Variants in LARGE1 observed in about 807,000 individuals in gnomAD.
The protein encoded by LARGE1 is LARGE xylosyl- and glucuronyltransferase 1.
LARGE1 carries 43 observed loss-of-function variants against 87.6 expected under a neutral mutation model. The ratio of observed to expected loss-of-function variants is 0.49; its 90% confidence interval spans 0.38 to 0.63. The LOEUF is 0.63. Among genes scored for constraint, LARGE1 ranks in the 30% least tolerant of loss-of-function variants. The pLI, the probability that LARGE1 is intolerant of heterozygous loss-of-function variation, is 0.00. For synonymous variants in LARGE1, 434 were observed against 394.6 expected, an observed-to-expected ratio of 1.10 and a Z score of -1.18; for missense variants, 802 against 1,000.2, an observed-to-expected ratio of 0.80 and a Z score of 2.67.
At chr22:33,661,777 C>T (rs1041646163) in intron 2 of LARGE1, among the ~76,000 whole-genome samples, 6 of 151,980 alleles carry the variant, frequency 3.9e-5, no homozygotes, top group African/African-American at 9.7e-5. Flanking sequence ...GAATGATGAC[C>T]GTACATCATG....
intron 11 of LARGE1, among the ~76,000 whole-genome samples, chr22:33,177,083 C>T (rs1922914150): frequency 6.6e-6 from 1 of 152,132 alleles, no homozygotes; most frequent in Admixed American, 6.6e-5. Context: ...CGCATGTTCT[C>T]ACTTGTAAGT....
chr22:33,268,954 A>G (rs930113611), downstream of LARGE1, among the ~76,000 whole-genome samples: 1 of 152,194 alleles, frequency 6.6e-6, no homozygotes, highest in African/African-American at 2.4e-5. Context: ...TAATAAACTC[A>G]AAAAATTACA....
At chr22:33,870,806 G>T (rs559134374) in intron 1 of LARGE1, among the ~76,000 whole-genome samples, 1 of 152,286 alleles carries the variant, frequency 6.6e-6, no homozygotes, top group East Asian at 1.9e-4. Flanking sequence ...GACCTCAGGT[G>T]ATCCGTTCAC....
rs575588042 is a variant in LARGE1, at chr22:33,912,971, C to T, written c.-83+7024G>A. Among the ~76,000 whole-genome samples, 940 of 152,204 alleles carry T rather than the reference C, an allele frequency of 6.2e-3. 6 individuals are homozygous for T. Among genetic ancestry groups the T allele is most frequent in the Non-Finnish European group, 0.01 (702 of 68,000 alleles). On this transcript the variant is annotated intron_variant, in intron 1 of 14. Transcript: ENST00000397394. Reference sequence around the variant, plus strand: ...TCAGCCTCCCGAGTAGCTGGGATTACAGGCGTGCGCCACCACGCCCGGCTA... The same window carrying T: ...TCAGCCTCCCGAGTAGCTGGGATTATAGGCGTGCGCCACCACGCCCGGCTA...
At chr22:33,708,619 G>A (rs891196195) in intron 2 of LARGE1, among the ~76,000 whole-genome samples, 7 of 152,066 alleles carry the variant, frequency 4.6e-5, no homozygotes, top group African/African-American at 1.7e-4. Context: ...TTGTGTGTAG[G>A]AGACAGAGTC....
chr22:33,270,641 C>A (rs1928192923), downstream of LARGE1, among the ~76,000 whole-genome samples: 2 of 152,126 alleles, frequency 1.3e-5, no homozygotes, highest in South Asian at 4.1e-4. Context: ...AAGGGTAGTT[C>A]TTATTATCTC....
At chr22:33,347,145 C>A (rs1939857309) in intron 9 of LARGE1, among the ~76,000 whole-genome samples, 2 of 151,830 alleles carry the variant, frequency 1.3e-5, no homozygotes, top group Non-Finnish European at 2.9e-5. Flanking sequence ...TTTTCTGATT[C>A]TCATTGTAAG....
intron 9 of LARGE1, among the ~76,000 whole-genome samples, chr22:33,372,303 A>G (rs1426372820): frequency 7.2e-5 from 11 of 152,190 alleles, no homozygotes; most frequent in Non-Finnish European, 1.5e-4. Flanking sequence ...GGTTTTCACT[A>G]GAAATTAAGG....
the LARGE1 span, chr22:33,137,040 G>A: frequency 5.3e-5 from 8 of 152,142 alleles, no homozygotes; most frequent in African/African-American, 1.7e-4. Flanking sequence ...TCAGCTTCTC[G>A]TTGGTTGTTT....
upstream of LARGE1, among the ~76,000 whole-genome samples, chr22:33,921,357 C>G (rs1410920555): frequency 2.0e-5 from 3 of 152,310 alleles, no homozygotes; most frequent in Admixed American, 1.3e-4. The surrounding 1 kb of genome is among the most constrained non-coding windows in gnomAD (Gnocchi z 4.1). Context: ...TCGGGCTTGG[C>G]GTGCCTCGCG....
rs371661414 is a variant in LARGE1 at position 33,719,497 on chromosome 22, A to ATTTATTTATT, written c.106+41873_106+41874insAATAAATAAA. Among the ~76,000 whole-genome samples the ATTTATTTATT allele has an allele frequency of 8.9e-3, 1,292 of 145,194 alleles. 5 individuals are homozygous for ATTTATTTATT. Among genetic ancestry groups the ATTTATTTATT allele is most frequent in the Middle Eastern group, 0.024 (7 of 286 alleles). Reference sequence around the variant, plus strand: ...CCTATACAGGTATGCCATCTATACCATATTTATTTATTTATTTATTTATTT... The same window carrying ATTTATTTATT: ...CCTATACAGGTATGCCATCTATACCATTTATTTATTTATTTATTTATTTATTTATTTATTT... On this transcript the variant is annotated intron_variant, in intron 2 of 14. Coordinates refer to ENST00000397394, the MANE Select transcript of LARGE1 (RefSeq NM_133642.5).
the LARGE1 span, among the ~76,000 whole-genome samples, chr22:33,106,660 T>A: frequency 1.3e-5 from 2 of 152,160 alleles, no homozygotes; most frequent in African/African-American, 4.8e-5. Flanking sequence ...CATGCCCAGC[T>A]AATTTTTGTA....
chr22:33,592,067 G>GGAGGGGAGGA (rs1054400502), intron 5 of LARGE1, among the ~76,000 whole-genome samples: 1 of 139,112 alleles, frequency 7.2e-6, no homozygotes, highest in African/African-American at 2.7e-5. Flanking sequence ...AGAGGAGAAG[G>GGAGGGGAGGA]GAGGGGAGGA....
intron 5 of LARGE1, among the ~76,000 whole-genome samples, chr22:33,602,181 C>T (rs1248052589): frequency 6.6e-6 from 1 of 152,166 alleles, no homozygotes. Context: ...AGTCCCAAGC[C>T]ATCTGAGAGC....
rs552024200 is a variant in LARGE1, at chr22:33,196,144, C to T, written c.1731-29312G>A. On this transcript the variant is annotated intron_variant, in intron 11 of 11. Coordinates refer to the LARGE1 transcript ENST00000608642. ...AAAGTAAATTAAAAAAAAAAAAAAGCGTAAGGATAAAAACCGGTATCAACA... is the reference window on the plus strand; with the variant it reads ...AAAGTAAATTAAAAAAAAAAAAAAGTGTAAGGATAAAAACCGGTATCAACA... 5.2e-3 allele frequency among the ~76,000 whole-genome samples: 734 copies of T among 141,410 alleles called. 13 individuals are homozygous for T. Among genetic ancestry groups the T allele is most frequent in the Non-Finnish European group, 3.9e-3 (256 of 65,350 alleles). 92.8% of individuals were successfully genotyped at this position (141,410 alleles called of 152,430 possible).
chr22:33,181,966 T>G (rs950052213), intron 11 of LARGE1, among the ~76,000 whole-genome samples: 2 of 150,914 alleles, frequency 1.3e-5, no homozygotes, highest in Admixed American at 1.3e-4. Flanking sequence ...GGGATTACAG[T>G]TGGATGCAAC....
At chr22:33,622,079 G>T (rs1213787195) in intron 4 of LARGE1, among the ~76,000 whole-genome samples, 1 of 152,130 alleles carries the variant, frequency 6.6e-6, no homozygotes, top group Non-Finnish European at 1.5e-5. Flanking sequence ...CAACCTCCTG[G>T]TGCCACCCCC....
At position 33,278,553 on chromosome 22, in the gene LARGE1, T is replaced by TCTCA. The variant is rs1304691630; in HGVS notation, c.1878-1299_1878-1298insTGAG. Among the ~76,000 whole-genome samples the TCTCA allele has an allele frequency of 3.6e-3, 534 of 148,768 alleles. 1 individual carries two copies. The highest frequency in any genetic ancestry group is 9.4e-3 in the African/African-American group (377 of 40,058). The stretch of plus-strand genomic sequence containing the variant: ...TGGGACTATTTTAAATCTCTCTCTC[T>TCTCA]CACACACACACACACACACACACAC... On this transcript the variant is annotated intron_variant, in intron 13 of 14. Transcript: ENST00000397394.
In LARGE1 at chr22:33,919,688, G is replaced by A. The variant is rs138268368; in HGVS notation, c.-83+307C>T. Among the ~76,000 whole-genome samples, 250 of 152,388 alleles carry A rather than the reference G, an allele frequency of 1.6e-3. 1 individual carries two copies. The highest frequency in any genetic ancestry group is 5.7e-3 in the African/African-American group (236 of 41,600). ...ACAGGTGCTCACCGCTAACAAGAGG[G>A]CCGGGGGTGCGGGTATCGGTCACAT... On this transcript the variant is annotated intron_variant, in intron 1 of 14. Transcript: ENST00000397394.
Sources: gnomAD v4.1 joint callset for allele counts (sites outside exome capture counted in the v4.1 genomes callset) on GRCh38, gnomAD v4.1.1 for gene constraint, Gnocchi (gnomAD v3.1) non-coding constraint, MANE v1.5 for transcripts, NCBI Gene and HGNC (gene_info 2026-07-23, HGNC 2026-07-21) for gene names.